Variants in SLC15A4 observed in about 807,000 individuals in gnomAD.
SLC15A4 encodes the protein solute carrier family 15 member 4, also known as hPHT1.
A neutral mutation model predicts 46.1 loss-of-function variants in SLC15A4; 26 were observed. The observed-to-expected ratio is 0.56, with a 90% CI of 0.41 to 0.78. SLC15A4 has a LOEUF of 0.78. Ranked by LOEUF, SLC15A4 falls within the 30% of genes least tolerant of loss-of-function variation. SLC15A4 has a pLI of 0.00. For synonymous variants in SLC15A4, 370 were observed against 333.4 expected (o/e 1.11, Z -1.20); for missense variants, 751 against 755.7 (o/e 0.99, Z 0.07).
Position 128,810,118 on chromosome 12 carries a change from G to A in SLC15A4, c.843-7C>T, listed in dbSNP as rs773231783. On this transcript the variant is annotated splice_region_variant and splice_polypyrimidine_tract_variant and intron_variant, in intron 2 of 7. Coordinates refer to ENST00000266771, the MANE Select transcript of SLC15A4 (RefSeq NM_145648.4). The stretch of plus-strand genomic sequence containing the variant: ...AAAGACTCCAATGCCTTCACTTTGG[G>A]AAATAAAATGAAGGAATTAGTTTTC... 28 of 1,608,172 alleles carry A rather than the reference G, an allele frequency of 1.7e-5. No homozygotes were observed. The highest frequency in any genetic ancestry group is 2.2e-5 in the Non-Finnish European group (26 of 1,177,750).
At chr12:128,814,015 C>CA (rs1955703139) in intron 2 of SLC15A4, 1 of 155,492 alleles carries the variant, frequency 6.4e-6, no homozygotes, top group African/African-American at 2.4e-5. Context: ...AAACATGAGT[C>CA]ATAGTTGGCC....
intron 1 of SLC15A4, among the ~76,000 whole-genome samples, chr12:128,820,825 G>A (rs1031511667): frequency 1.3e-5 from 2 of 152,132 alleles, no homozygotes; most frequent in African/African-American, 2.4e-5. Flanking sequence ...CCTAAGAGTC[G>A]CCTTCCCTAC....
chr12:128,823,634 G>A lies in SLC15A4; in HGVS notation c.310C>T (p.Arg104Cys). The part of the protein sequence containing the change: ...WLADARLGRA[R>C]AILLSLALYL... The stretch of plus-strand genomic sequence containing the variant: ...AGCGCCAGGCTCAGCAGGATGGCGC[G>A]CGCCCGGCCCAGCCGCGCGTCGGCC... The change falls in exon 1 of 8, where the codon CGC (arginine) becomes TGC (cysteine). Residue 104 changes from arginine (R) to cysteine (C), a missense_variant. Physicochemically the swap from Arg to Cys is radical, Grantham distance 180. Transcript: ENST00000266771. The A allele has an allele frequency of 1.4e-6, 2 of 1,480,154 alleles. No individual in the cohort carries two copies. The highest frequency in any genetic ancestry group is 1.3e-5 in the South Asian group (1 of 78,660). 91.7% of individuals were successfully genotyped at this position (1,480,154 alleles called of 1,614,324 possible). A position where few individuals can be genotyped will look rare whatever the true frequency, so the allele number is the denominator to read the frequency against.
intron 7 of SLC15A4, among the ~76,000 whole-genome samples, chr12:128,798,234 A>G (rs1038037582): frequency 3.9e-5 from 6 of 152,228 alleles, no homozygotes; most frequent in African/African-American, 1.4e-4. Context: ...TGTCCCATGT[A>G]CCACAAGAGG....
At chr12:128,811,890 G>A (rs1955661523) in intron 2 of SLC15A4, among the ~76,000 whole-genome samples, 1 of 152,130 alleles carries the variant, frequency 6.6e-6, no homozygotes, top group Non-Finnish European at 1.5e-5. Flanking sequence ...ATATTGTTAG[G>A]TGCACTATTT....
chr12:128,808,670 C>T (rs1955616676), intron 5 of SLC15A4, 118 bp downstream of exon 5: 1 of 931,846 alleles, frequency 1.1e-6, no homozygotes, highest in Middle Eastern at 3.3e-4. Context: ...TACACATCCT[C>T]TTTTACAGAC....
intron 5 of SLC15A4, 41 bp from the exon 6 acceptor site, chr12:128,801,050 A>ATT: frequency 6.5e-7 from 1 of 1,527,262 alleles, no homozygotes; most frequent in Admixed American, 2.1e-5. Context: ...TCATTTATTA[A>ATT]CATTTACAGT....
At chr12:128,810,288 C>T in intron 2 of SLC15A4, 177 bp from the exon 3 acceptor site, 2 of 600,396 alleles carry the variant, frequency 3.3e-6, no homozygotes. Context: ...TTCTAAATGT[C>T]ACAGAATGTA....
chr12:128,812,146 G>C (rs1489619315), intron 2 of SLC15A4, among the ~76,000 whole-genome samples: 1 of 152,180 alleles, frequency 6.6e-6, no homozygotes, highest in Non-Finnish European at 1.5e-5. Flanking sequence ...GGTCTGATGA[G>C]TTGAACAAAT....
At chr12:128,797,646 G>C (rs1483312395) in intron 7 of SLC15A4, among the ~76,000 whole-genome samples, 2 of 152,208 alleles carry the variant, frequency 1.3e-5, no homozygotes, top group Non-Finnish European at 2.9e-5. Flanking sequence ...TCCTGTGTCG[G>C]TCACGAGATG....
In SLC15A4 at chr12:128,809,787, A is replaced by G. The variant is rs999599617; in HGVS notation, c.1011+156T>C. ...TTTAGACATAGTTAAAGCAGCCAAA[A>G]TGACTCCATAACTAAAACCAAAAAT... On this transcript the variant is annotated intron_variant, in intron 3 of 7. Coordinates refer to ENST00000266771, the MANE Select transcript of SLC15A4 (RefSeq NM_145648.4). The G allele has an allele frequency of 1.3e-4, 86 of 666,376 alleles. 1 individual carries two copies. The Admixed American group carries it at 2.8e-3, about 22-fold the overall frequency. 41.3% of individuals were successfully genotyped at this position (666,376 alleles called of 1,614,324 possible).
intron 7 of SLC15A4, among the ~76,000 whole-genome samples, chr12:128,797,404 A>G (rs1349189069): frequency 6.6e-6 from 1 of 152,144 alleles, no homozygotes. Flanking sequence ...GGGGGGCAGT[A>G]AACTAAGGAG....
chr12:128,812,545 T>C (rs1352253554), intron 2 of SLC15A4, among the ~76,000 whole-genome samples: 4 of 152,188 alleles, frequency 2.6e-5, no homozygotes, highest in African/African-American at 9.6e-5. Flanking sequence ...CTCGATCTCC[T>C]GACCTCGTGA....
rs1955414860 is a variant in SLC15A4 at position 128,793,944 on chromosome 12, C to G, written c.*252G>C. 2.8e-6 allele frequency: 1 copy of G among 353,958 alleles called. No individual in the cohort carries two copies. The highest frequency in any genetic ancestry group is 2.1e-5 in the African/African-American group (1 of 47,958). The allele number at this position is 353,958 out of a possible 1,614,324, so 21.9% of individuals were successfully genotyped here. ...ACCCAGCTAGAGGATTCACAGAGAC[C>G]TTGAATGACAAGCGACATACTCGAA... On this transcript the variant is annotated 3_prime_UTR_variant, in exon 8 of 8. Coordinates refer to ENST00000266771, the MANE Select transcript of SLC15A4 (RefSeq NM_145648.4).
chr12:128,802,515 G>A (rs1025893516), intron 5 of SLC15A4, among the ~76,000 whole-genome samples: 2 of 152,192 alleles, frequency 1.3e-5, no homozygotes, highest in African/African-American at 2.4e-5. Context: ...AAATAAACAC[G>A]AAAGCTGAAT....
chr12:128,808,998 C>T (rs752217466), intron 4 of SLC15A4, 42 bp from the exon 5 acceptor site: 8 of 1,581,534 alleles, frequency 5.1e-6, no homozygotes, highest in African/African-American at 4.0e-5. Context: ...CCCCGCAATA[C>T]AGGCCATCAC....
At chr12:128,799,160 A>C in intron 7 of SLC15A4, 99 bp downstream of exon 7, 1 of 1,359,812 alleles carries the variant, frequency 7.4e-7, no homozygotes, top group Non-Finnish European at 1.0e-6. Flanking sequence ...GGGACAGGCC[A>C]TCCACGTGAA....
intron 1 of SLC15A4, chr12:128,819,591 CAAG>C (rs979404326): frequency 2.0e-5 from 3 of 152,182 alleles, no homozygotes; most frequent in Admixed American, 1.3e-4. Context: ...CCCAAGCATC[CAAG>C]AAGAACGGCC....
In SLC15A4 at chr12:128,823,391, G is replaced by A; in HGVS notation, c.546+7C>T. ...GGACAGGGACAGCGCGCGGGGGCGC[G>A]GCTCACCTGGTCGGCGCCGAAGGGC... On this transcript the variant is annotated splice_region_variant and intron_variant, in intron 1 of 7. Coordinates refer to ENST00000266771, the MANE Select transcript of SLC15A4 (RefSeq NM_145648.4). The A allele has an allele frequency of 7.1e-7, 1 of 1,412,842 alleles. No homozygotes were observed. The highest frequency in any genetic ancestry group is 9.2e-7 in the Non-Finnish European group (1 of 1,089,614). The allele number at this position is 1,412,842 out of a possible 1,614,324, so 87.5% of individuals were successfully genotyped here.
Sources: gnomAD v4.1 joint callset for allele counts (sites outside exome capture counted in the v4.1 genomes callset) on GRCh38, gnomAD v4.1.1 for gene constraint, MANE v1.5 for transcripts, NCBI Gene and HGNC (gene_info 2026-07-23, HGNC 2026-07-21) for gene names.